Variants in SMIM3 observed in about 807,000 individuals in gnomAD.
SMIM3 encodes the protein small integral membrane protein 3, also known as NGF-induced differentiation clone 67 protein.
Under a neutral mutation model 2.1 loss-of-function variants are expected in SMIM3, and 4 were observed. That is an observed-to-expected ratio of 1.89 (90% CI 0.93 to 4.31). The LOEUF (loss-of-function observed/expected upper bound fraction) is 4.31, where lower values mean the gene tolerates loss of function less well. Ranked by LOEUF, SMIM3 falls within the 30% of genes most tolerant of loss-of-function variation. The probability of loss-of-function intolerance (pLI) is 0.01; values close to 1 mark genes in which losing one functional copy is unlikely to be tolerated. For synonymous variants in SMIM3, 29 were observed against 30.8 expected (o/e 0.94, Z 0.19); for missense variants, 79 against 77.7 (o/e 1.02, Z -0.06).
intron 1 of SMIM3, among the ~76,000 whole-genome samples, chr5:150,779,526 C>T (rs1228526627): frequency 2.6e-5 from 4 of 152,202 alleles, no homozygotes; most frequent in Non-Finnish European, 5.9e-5. Flanking sequence ...CTTGTTTTTC[C>T]ATCAGTGAAA....
In SMIM3 at chr5:150,778,791, C is replaced by A; in HGVS notation, c.-193C>A. On this transcript the variant is annotated 5_prime_UTR_variant, in exon 1 of 2. It adds an upstream start codon to the 5' untranslated region. Coordinates refer to ENST00000526627, the MANE Select transcript of SMIM3 (RefSeq NM_032947.5). ...AGCCAGCAGCGCGTCCTGGCCGCTC[C>A]TGCGCTCTCCCGCCTCCCGGGGCTC... 2.1e-6 allele frequency: 1 copy of A among 466,342 alleles called. No homozygotes were observed. The highest frequency in any genetic ancestry group is 6.8e-5 in the East Asian group (1 of 14,600). The allele number at this position is 466,342 out of a possible 1,614,324, so 28.9% of individuals were successfully genotyped here.
intron 1 of SMIM3, among the ~76,000 whole-genome samples, chr5:150,792,146 G>A (rs934529721): frequency 6.6e-6 from 1 of 152,184 alleles, no homozygotes; most frequent in Admixed American, 6.5e-5. Context: ...CAGTGGACAT[G>A]GAGCCAAGGG....
In SMIM3 at chr5:150,795,480, C is replaced by T. The variant is rs766638068; in HGVS notation, c.40C>T (p.Pro14Ser). ...VSQVPMEVVL[P>S]KHILDIWVIV... ...CCAAGTCCCCATGGAAGTCGTGCTT[C>T]CCAAGCACATCCTGGATATCTGGGT... The change falls in exon 2 of 2, where the codon CCC becomes TCC. Residue 14 changes from proline (P) to serine (S), a missense_variant. Coordinates refer to ENST00000526627, the MANE Select transcript of SMIM3 (RefSeq NM_032947.5). The T allele has an allele frequency of 3.1e-6, 5 of 1,613,854 alleles. No homozygotes were observed. The South Asian group carries it at 3.3e-5, about 11-fold the overall frequency.
chr5:150,795,726 T>G lies in SMIM3; in HGVS notation c.*103T>G. 1.5e-6 allele frequency: 2 copies of G among 1,303,036 alleles called. No homozygotes were observed. The highest frequency in any genetic ancestry group is 2.1e-6 in the Non-Finnish European group (2 of 960,834). The allele number at this position is 1,303,036 out of a possible 1,614,324, so 80.7% of individuals were successfully genotyped here. On this transcript the variant is annotated 3_prime_UTR_variant, in exon 2 of 2. Transcript: ENST00000526627. ...CAGGAGGGACTTTGGGGCATGGACC[T>G]GAGTTCTGGTTTTGATTCTGCCACG...
At chr5:150,783,235 A>G (rs756724697) in intron 1 of SMIM3, among the ~76,000 whole-genome samples, 2 of 152,234 alleles carry the variant, frequency 1.3e-5, no homozygotes, top group Non-Finnish European at 2.9e-5. Context: ...CCAGGCTACA[A>G]AGTGGCCAGT....
chr5:150,780,899 C>A (rs1362376023), intron 1 of SMIM3, among the ~76,000 whole-genome samples: 1 of 152,160 alleles, frequency 6.6e-6, no homozygotes, highest in Non-Finnish European at 1.5e-5. Flanking sequence ...GTTGGCATTG[C>A]GACACCCTGC....
At chr5:150,781,298 G>C (rs1024879414) in intron 1 of SMIM3, among the ~76,000 whole-genome samples, 5 of 152,220 alleles carry the variant, frequency 3.3e-5, no homozygotes, top group East Asian at 1.9e-4. Flanking sequence ...GATAGTCACT[G>C]TTCTAGTGGA....
chr5:150,793,631 G>A (rs929738213), intron 1 of SMIM3, among the ~76,000 whole-genome samples: 2 of 152,134 alleles, frequency 1.3e-5, no homozygotes, highest in Admixed American at 6.5e-5. Flanking sequence ...GTAGCAGAAC[G>A]AAACTGGATC....
At chr5:150,787,695 A>T (rs1561724028) in intron 1 of SMIM3, among the ~76,000 whole-genome samples, 2 of 152,226 alleles carry the variant, frequency 1.3e-5, no homozygotes, top group Non-Finnish European at 2.9e-5. Context: ...AAGTTTTAAT[A>T]AGTTAATGAA....
In SMIM3 at chr5:150,778,816, C is replaced by T. The variant is rs753286190; in HGVS notation, c.-168C>T. 1 of 473,002 alleles carries T rather than the reference C, an allele frequency of 2.1e-6. No individual in the cohort carries two copies. Among genetic ancestry groups the T allele is most frequent in the South Asian group, 1.5e-5 (1 of 64,670 alleles). The allele number at this position is 473,002 out of a possible 1,614,324, so 29.3% of individuals were successfully genotyped here. ...CTGCGCTCTCCCGCCTCCCGGGGCTCGGAGGAGCCGGGGCACGTTCCAGGA... is the reference window on the plus strand; with the variant it reads ...CTGCGCTCTCCCGCCTCCCGGGGCTTGGAGGAGCCGGGGCACGTTCCAGGA... On this transcript the variant is annotated 5_prime_UTR_variant, in exon 1 of 2. Transcript: ENST00000526627.
chr5:150,791,294 CA>C (rs1301673479), intron 1 of SMIM3, among the ~76,000 whole-genome samples: 1 of 152,128 alleles, frequency 6.6e-6, no homozygotes, highest in Non-Finnish European at 1.5e-5. Context: ...GAGTTCACTA[CA>C]GATCAGATTC....
intron 1 of SMIM3, among the ~76,000 whole-genome samples, chr5:150,786,333 A>G (rs1011147383): frequency 6.6e-6 from 1 of 152,038 alleles, no homozygotes; most frequent in African/African-American, 2.4e-5. Context: ...TGTCACCCAG[A>G]CTGGAGTGCA....
chr5:150,790,788 G>C (rs1304377427), intron 1 of SMIM3, among the ~76,000 whole-genome samples: 1 of 152,164 alleles, frequency 6.6e-6, no homozygotes, highest in East Asian at 1.9e-4. Context: ...GTCTAATTCA[G>C]TATGTATGGA....
chr5:150,786,844 T>G (rs1360244431), intron 1 of SMIM3, among the ~76,000 whole-genome samples: 1 of 152,228 alleles, frequency 6.6e-6, no homozygotes, highest in African/African-American at 2.4e-5. Flanking sequence ...TTGGACATTA[T>G]ATTTGTAAAC....
At position 150,795,615 on chromosome 5, in the gene SMIM3, G is replaced by T; in HGVS notation, c.175G>T (p.Ala59Ser). Residue 59 changes from alanine (A) to serine (S), a missense_variant, in exon 2 of 2, where the codon GCT (alanine) becomes TCT (serine). Coordinates refer to ENST00000526627, the MANE Select transcript of SMIM3 (RefSeq NM_032947.5). ...RMRTHPILSGAV is the reference protein window; with the variant it reads ...RMRTHPILSGSV Reference sequence around the variant, plus strand: ...GCGGACTCATCCGATCCTTAGTGGGGCTGTTTGAGAGCCTCCCAAGAGGGC... The same window carrying T: ...GCGGACTCATCCGATCCTTAGTGGGTCTGTTTGAGAGCCTCCCAAGAGGGC... The T allele has an allele frequency of 2.6e-6, 4 of 1,547,242 alleles. No homozygotes were observed. Among genetic ancestry groups the T allele is most frequent in the Non-Finnish European group, 3.5e-6 (4 of 1,152,390 alleles).
intron 1 of SMIM3, 96 bp from the exon 2 acceptor site, chr5:150,795,334 A>G: frequency 7.9e-7 from 1 of 1,269,516 alleles, no homozygotes; most frequent in Middle Eastern, 2.4e-4. Context: ...CATATCTGGT[A>G]AGTGACCCAG....
At chr5:150,790,017 G>T (rs1753333172) in intron 1 of SMIM3, among the ~76,000 whole-genome samples, 1 of 152,164 alleles carries the variant, frequency 6.6e-6, no homozygotes, top group African/African-American at 2.4e-5. Flanking sequence ...GGTTACAGAA[G>T]AATTTCATTT....
intron 1 of SMIM3, among the ~76,000 whole-genome samples, chr5:150,787,571 G>A (rs1216596170): frequency 6.6e-6 from 1 of 152,140 alleles, no homozygotes; most frequent in Non-Finnish European, 1.5e-5. Context: ...AGTAAGTGCA[G>A]AATCAGGATT....
chr5:150,793,867 C>T (rs578057749), intron 1 of SMIM3, among the ~76,000 whole-genome samples: 47 of 152,262 alleles, frequency 3.1e-4, no homozygotes, highest in Non-Finnish European at 5.9e-4. Context: ...AAGGAACAGT[C>T]GGCAGAGTAA....
Sources: gnomAD v4.1 joint callset for allele counts (sites outside exome capture counted in the v4.1 genomes callset) on GRCh38, gnomAD v4.1.1 for gene constraint, MANE v1.5 for transcripts, NCBI Gene and HGNC (gene_info 2026-07-23, HGNC 2026-07-21) for gene names.